The following CRB1 variants were observed in gnomAD, a reference collection of about 807,000 sequenced individuals.
The protein encoded by CRB1 is protein crumbs homolog 1.
A neutral mutation model predicts 120.0 loss-of-function variants in CRB1; 83 were observed. That is an observed-to-expected ratio of 0.69 (90% CI 0.58 to 0.83). CRB1 has a LOEUF of 0.83. Among genes scored for constraint, CRB1 ranks in the 40% least tolerant of loss-of-function variants. The probability of loss-of-function intolerance (pLI) is 0.00; values close to 1 mark genes in which losing one functional copy is unlikely to be tolerated. For synonymous variants in CRB1, 625 were observed against 612.5 expected, an observed-to-expected ratio of 1.02 and a Z score of -0.30; for missense variants, 1,699 against 1,687.6, an observed-to-expected ratio of 1.01 and a Z score of -0.12.
chr1:197,365,626 C>CT (rs375542477), intron 5 of CRB1, among the ~76,000 whole-genome samples: 3,553 of 121,846 alleles, frequency 0.029, 68 homozygotes, highest in Middle Eastern at 0.077. Flanking sequence ...TCTTCTTCTT[C>CT]TTTTTTTTTT....
intron 3 of CRB1, among the ~76,000 whole-genome samples, chr1:197,345,054 C>T (rs1353531383): frequency 1.3e-5 from 2 of 152,154 alleles, no homozygotes; most frequent in East Asian, 1.9e-4. Context: ...CAATAAATTA[C>T]ATCTCAATAT....
At chr1:197,354,842 ACCCCC>A (rs1558076358) in intron 4 of CRB1, among the ~76,000 whole-genome samples, 4 of 8,090 alleles carry the variant, frequency 4.9e-4, no homozygotes, top group African/African-American at 1.3e-3. Flanking sequence ...CCCCCCGCCC[ACCCCC>A]CCCCCCCCGC....
chr1:197,404,013 C>T (rs1051131287), intron 5 of CRB1, among the ~76,000 whole-genome samples: 1 of 152,148 alleles, frequency 6.6e-6, no homozygotes, highest in African/African-American at 2.4e-5. Flanking sequence ...AGGATCTAAC[C>T]AGTTTCACAG....
chr1:197,415,763 C>T (rs1014585207), intron 5 of CRB1, among the ~76,000 whole-genome samples: 5 of 151,050 alleles, frequency 3.3e-5, no homozygotes, highest in Admixed American at 2.6e-4. Context: ...CTGCCTCAGC[C>T]TCCTGAGTAG....
At chr1:197,366,927 A>T (rs1025012482) in intron 5 of CRB1, among the ~76,000 whole-genome samples, 7 of 152,308 alleles carry the variant, frequency 4.6e-5, no homozygotes, top group Admixed American at 6.5e-5. Context: ...TCAAAAAAAA[A>T]TTTGGCAAAA....
chr1:197,421,164 A>AC lies in CRB1; in HGVS notation c.1339dup (p.His447ProfsTer7), dbSNP rs2125469313. ...CTGTTCTGATATTCTCCTGGGCTGT[A>AC]CCCATCAGCAATGTCTAAATAATGG... On this transcript the variant is annotated frameshift_variant, in exon 6 of 12. Coordinates refer to ENST00000367400, the MANE Select transcript of CRB1 (RefSeq NM_201253.3). LOFTEE classifies it high-confidence loss of function. 1 of 1,614,160 alleles carries AC rather than the reference A, an allele frequency of 6.2e-7. No individual in the cohort carries two copies. The highest frequency in any genetic ancestry group is 8.5e-7 in the Non-Finnish European group (1 of 1,180,028).
upstream of CRB1, among the ~76,000 whole-genome samples, chr1:197,268,008 G>A (rs760981758): frequency 3.3e-5 from 5 of 152,158 alleles, no homozygotes; most frequent in Non-Finnish European, 7.4e-5. Context: ...TTTAAAAGTT[G>A]CCAGATCATA....
chr1:197,221,012 T>C, the CRB1 span, among the ~76,000 whole-genome samples: 1,075 of 151,650 alleles, frequency 7.1e-3, 16 homozygotes, highest in African/African-American at 0.022. Flanking sequence ...CAATTCTCTA[T>C]AAGGAAGAGA....
In CRB1 at chr1:197,435,424, C is replaced by T. The variant is rs757543777; in HGVS notation, c.3561C>T (p.Ile1187=). The change falls in exon 9 of 12, where the codon ATC becomes ATT. Residue 1187 remains isoleucine, a synonymous_variant. Transcript: ENST00000367400. ...NIDECFSNPC[I]HGNCSDRVAA... is the part of the protein sequence containing the mutation. ...ATGAATGCTTTTCAAACCCCTGTAT[C>T]CATGGCAACTGCTCTGACAGAGTTG... is the stretch of plus-strand genomic sequence containing the variant. 6 of 1,599,348 alleles carry T rather than the reference C, an allele frequency of 3.8e-6. No individual in the cohort carries two copies. In the South Asian group the frequency reaches 5.7e-5, roughly 15 times the overall value.
chr1:197,367,148 A>G (rs1661120072), intron 5 of CRB1, among the ~76,000 whole-genome samples: 2 of 152,242 alleles, frequency 1.3e-5, no homozygotes, highest in Non-Finnish European at 2.9e-5. Flanking sequence ...TCAGTAAATT[A>G]TCTTTATTTT....
At chr1:197,356,592 T>C (rs1660490699) in intron 4 of CRB1, among the ~76,000 whole-genome samples, 1 of 152,190 alleles carries the variant, frequency 6.6e-6, no homozygotes, top group African/African-American at 2.4e-5. Context: ...TTATTTCAAG[T>C]CTTATTAATC....
At chr1:197,207,410 G>A in the CRB1 span, among the ~76,000 whole-genome samples, 1 of 151,922 alleles carries the variant, frequency 6.6e-6, no homozygotes, top group African/African-American at 2.4e-5. Context: ...GTAGTGCTTG[G>A]TAGTGGTGAA....
Position 197,396,418 on chromosome 1 carries a change from A to G in CRB1, c.1172-24582A>G, listed in dbSNP as rs374122787. 3.3e-5 allele frequency among the ~76,000 whole-genome samples: 5 copies of G among 152,292 alleles called. No homozygotes were observed. The East Asian group carries it at 5.8e-4, about 18-fold the overall frequency. ...TTTGCAAATTTAATCTCTGCATTCA[A>G]TGTAATCCAAATGAAAATATCAATA... is the stretch of plus-strand genomic sequence containing the variant. On this transcript the variant is annotated intron_variant, in intron 5 of 11. Coordinates refer to ENST00000367400, the MANE Select transcript of CRB1 (RefSeq NM_201253.3).
chr1:197,363,944 G>A (rs1320948971), intron 5 of CRB1: 19 of 1,325,470 alleles, frequency 1.4e-5, no homozygotes, highest in East Asian at 6.9e-5. Context: ...AAGCTTCGGC[G>A]GTATTATGAG....
At chr1:197,385,970 T>C (rs1446156760) in intron 5 of CRB1, among the ~76,000 whole-genome samples, 1 of 152,050 alleles carries the variant, frequency 6.6e-6, no homozygotes, top group East Asian at 1.9e-4. Context: ...AAAGGAACTA[T>C]CCATTTCCCA....
chr1:197,254,449 C>T, the CRB1 span, among the ~76,000 whole-genome samples: 13 of 152,152 alleles, frequency 8.5e-5, no homozygotes, highest in East Asian at 2.3e-3. Context: ...ATATTCTTTT[C>T]TTAGTAGTGT....
chr1:197,444,817 C>T (rs1665620930), intron 11 of CRB1: 1 of 151,976 alleles, frequency 6.6e-6, no homozygotes, highest in African/African-American at 2.4e-5. Flanking sequence ...ACCTTTGTTT[C>T]TGTATCTTCT....
At chr1:197,402,829 T>C (rs1362503163) in intron 5 of CRB1, among the ~76,000 whole-genome samples, 1 of 152,204 alleles carries the variant, frequency 6.6e-6, no homozygotes, top group Non-Finnish European at 1.5e-5. Flanking sequence ...TCATACTGCT[T>C]TGATTATCTG....
chr1:197,469,440 C>A (rs1571627743), intron 11 of CRB1, among the ~76,000 whole-genome samples: 1 of 151,892 alleles, frequency 6.6e-6, no homozygotes, highest in Non-Finnish European at 1.5e-5. Context: ...TGTGGGAATG[C>A]AGAGAGAGAA....
Sources: allele counts gnomAD v4.1 joint callset (sites outside exome capture counted in the v4.1 genomes callset), GRCh38; gene constraint gnomAD v4.1.1; transcripts MANE v1.5; gene names NCBI Gene and HGNC (gene_info 2026-07-23, HGNC 2026-07-21).